The following KCNAB1 variants were observed in gnomAD, a reference collection of about 807,000 sequenced individuals.
The protein encoded by KCNAB1 is voltage-gated potassium channel subunit beta-1.
Under a neutral mutation model 64.6 loss-of-function variants are expected in KCNAB1, and 35 were observed. The ratio of observed to expected loss-of-function variants is 0.54; its 90% CI spans 0.41 to 0.72. The LOEUF is 0.72. KCNAB1 is among the 30% of genes least tolerant of loss of function. The pLI, the probability that KCNAB1 is intolerant of heterozygous loss-of-function variation, is 0.00. For missense variants in KCNAB1, 401 were observed against 512.9 expected (o/e 0.78, Z 2.11); for synonymous variants, 177 against 183.8 (o/e 0.96, Z 0.30).
intron 1 of KCNAB1, chr3:156,177,048 C>A: frequency 1.9e-6 from 1 of 513,162 alleles, no homozygotes; most frequent in Non-Finnish European, 3.4e-6. Context: ...TCCTTCAAAT[C>A]TGCTTGCAGC....
At chr3:156,478,154 CT>C (rs1166743630) in intron 8 of KCNAB1, among the ~76,000 whole-genome samples, 4 of 150,574 alleles carry the variant, frequency 2.7e-5, no homozygotes, top group African/African-American at 4.9e-5. Flanking sequence ...GTTGTCCAAC[CT>C]TTTTTTTTCG....
intron 1 of KCNAB1, chr3:156,273,710 A>T (rs1461442662): frequency 2.2e-6 from 1 of 452,598 alleles, no homozygotes; most frequent in Non-Finnish European, 4.4e-6. Flanking sequence ...TTTGGTTCTT[A>T]GGAAGGTGCT....
intron 7 of KCNAB1, among the ~76,000 whole-genome samples, chr3:156,467,462 C>T (rs931829866): frequency 2.0e-5 from 3 of 152,068 alleles, no homozygotes; most frequent in Admixed American, 6.6e-5. Context: ...TCTAATCTCA[C>T]CACTTCGAAA....
At chr3:156,498,865 C>T (rs1325780659) in intron 8 of KCNAB1, among the ~76,000 whole-genome samples, 1 of 152,198 alleles carries the variant, frequency 6.6e-6, no homozygotes, top group Non-Finnish European at 1.5e-5. Flanking sequence ...TGAAGCATTT[C>T]TTTGAAGAAT....
intron 6 of KCNAB1, among the ~76,000 whole-genome samples, chr3:156,464,583 T>A (rs1157445172): frequency 2.6e-5 from 4 of 152,168 alleles, no homozygotes; most frequent in African/African-American, 9.7e-5. Context: ...GAATTTTTTT[T>A]AATTAGAGGC....
intron 1 of KCNAB1, among the ~76,000 whole-genome samples, chr3:156,212,802 G>A (rs1715093110): frequency 6.6e-6 from 1 of 152,170 alleles, no homozygotes; most frequent in African/African-American, 2.4e-5. Flanking sequence ...CTGAAAGTGT[G>A]TCACATGGAA....
intron 11 of KCNAB1, among the ~76,000 whole-genome samples, chr3:156,517,382 G>A (rs1296638535): frequency 1.3e-5 from 2 of 152,086 alleles, no homozygotes; most frequent in African/African-American, 2.4e-5. Flanking sequence ...ACATGAATAC[G>A]TCCTAAAGCC....
chr3:156,239,290 A>G (rs1156896894), intron 1 of KCNAB1, among the ~76,000 whole-genome samples: 1 of 152,100 alleles, frequency 6.6e-6, no homozygotes, highest in Non-Finnish European at 1.5e-5. Flanking sequence ...GTTTCTTTTT[A>G]TTGCCTTTCC....
Position 156,538,563 on chromosome 3 carries a change from T to G in KCNAB1, c.*1816T>G, listed in dbSNP as rs1312776910. 1 of 152,304 alleles carries G rather than the reference T, an allele frequency of 6.6e-6. No homozygotes were observed. The highest frequency in any genetic ancestry group is 1.5e-5 in the Non-Finnish European group (1 of 67,996). The allele number at this position is 152,304 out of a possible 1,614,324, so 9.4% of individuals were successfully genotyped here. A position where few individuals can be genotyped will look rare whatever the true frequency, so the allele number is the denominator to read the frequency against. ...AATGGGAAATGTGATTTGATTGATT[T>G]ATTTGCTTAGAGTAATAAAAGCATT... On this transcript the variant is annotated 3_prime_UTR_variant, in exon 14 of 14. Transcript: ENST00000490337.
intron 1 of KCNAB1, among the ~76,000 whole-genome samples, chr3:156,215,372 G>A (rs540181796): frequency 1.2e-4 from 18 of 152,274 alleles, no homozygotes; most frequent in African/African-American, 3.9e-4. Flanking sequence ...GACGTGAGAT[G>A]GATAAATTTA....
At chr3:156,462,885 C>G (rs1713028560) in intron 5 of KCNAB1, among the ~76,000 whole-genome samples, 1 of 152,170 alleles carries the variant, frequency 6.6e-6, no homozygotes, top group African/African-American at 2.4e-5. Flanking sequence ...GTTCTCAAGA[C>G]ATATTTCTTA....
intron 1 of KCNAB1, among the ~76,000 whole-genome samples, chr3:156,279,187 G>A (rs1378100069): frequency 6.9e-5 from 10 of 145,174 alleles, no homozygotes; most frequent in South Asian, 2.2e-4. Context: ...TCATTGTTCA[G>A]TTCCCACCTA....
intron 1 of KCNAB1, among the ~76,000 whole-genome samples, chr3:156,409,218 T>A (rs1407022832): frequency 1.3e-5 from 2 of 152,232 alleles, no homozygotes; most frequent in African/African-American, 4.8e-5. Flanking sequence ...AATTCTGTCA[T>A]CTAAATCTTG....
chr3:156,291,795 G>T (rs1048596765), intron 1 of KCNAB1: 2 of 1,542,010 alleles, frequency 1.3e-6, no homozygotes, highest in Non-Finnish European at 1.7e-6. Context: ...TCCCCAGGAA[G>T]GGGGAGCAAG....
At chr3:156,176,921 C>T (rs76571650) in intron 1 of KCNAB1, 17,933 of 965,334 alleles carry the variant, frequency 0.019, 312 homozygotes, top group South Asian at 0.032. Context: ...TGGCGGCAAC[C>T]GGATGATGCT....
intron 1 of KCNAB1, among the ~76,000 whole-genome samples, chr3:156,221,274 G>A (rs539775670): frequency 1.3e-5 from 2 of 152,286 alleles, no homozygotes; most frequent in South Asian, 2.1e-4. Context: ...GTAGCTTGAT[G>A]GGGATAGCAT....
chr3:156,329,557 C>T (rs1444319569), intron 1 of KCNAB1, among the ~76,000 whole-genome samples: 1 of 152,062 alleles, frequency 6.6e-6, no homozygotes, highest in Non-Finnish European at 1.5e-5. Context: ...CAAGGGGTCT[C>T]TTGGACAGAG....
chr3:156,407,434 A>G (rs1255489931), intron 1 of KCNAB1, among the ~76,000 whole-genome samples: 3 of 151,994 alleles, frequency 2.0e-5, no homozygotes, highest in Admixed American at 2.0e-4. Flanking sequence ...TTCTGTGTTT[A>G]CTTGTTTATC....
At chr3:156,513,528 A>C (rs1189449821) in intron 8 of KCNAB1, among the ~76,000 whole-genome samples, 2 of 152,166 alleles carry the variant, frequency 1.3e-5, no homozygotes, top group Non-Finnish European at 2.9e-5. Context: ...AAGAAATCCA[A>C]CCCTGTCTGT....
Sources: allele counts gnomAD v4.1 joint callset (sites outside exome capture counted in the v4.1 genomes callset), GRCh38; gene constraint gnomAD v4.1.1; transcripts MANE v1.5; gene names NCBI Gene and HGNC (gene_info 2026-07-23, HGNC 2026-07-21).